RNPC3: variants seen among roughly 807,000 people sequenced by gnomAD.
RNPC3 encodes RNA binding region (RNP1, RRM) containing 3.
In RNPC3, 48 loss-of-function variants were observed where a neutral mutation model predicts 67.5. The ratio of observed to expected loss-of-function variants is 0.71; its 90% CI spans 0.56 to 0.90. RNPC3 has a LOEUF of 0.90. Among genes scored for constraint, RNPC3 ranks in the 40% least tolerant of loss-of-function variants. The pLI, the probability that RNPC3 is intolerant of heterozygous loss-of-function variation, is 0.00. For missense variants in RNPC3, 637 were observed against 626.1 expected (o/e 1.02, Z -0.19); for synonymous variants, 239 against 210.3 (o/e 1.14, Z -1.18).
chr1:103,526,259 A>G lies in RNPC3; in HGVS notation c.189A>G (p.Arg63=), dbSNP rs1650704953. ...TGCGGGTCCTGTCAGATAAGGGGCG[A>G]CTGGTAAGGGCGCGCCCCTCCGGAG... ...QSVRVLSDKG[R]LKHTAFATFP... Residue 63 remains arginine, a synonymous_variant, in exon 1 of 15, where the codon CGA becomes CGG. Transcript: ENST00000423855. 1.3e-6 allele frequency: 2 copies of G among 1,539,268 alleles called. No individual in the cohort carries two copies. The highest frequency in any genetic ancestry group is 2.8e-5 in the African/African-American group (2 of 72,622).
At chr1:103,554,945 T>A (rs1325238069) in intron 14 of RNPC3, 89 bp from the exon 15 acceptor site, 1 of 152,210 alleles carries the variant, frequency 6.6e-6, no homozygotes, top group Non-Finnish European at 1.5e-5. Flanking sequence ...ACTAATTTTC[T>A]AAATATAAAT....
intron 12 of RNPC3, 97 bp downstream of exon 12, chr1:103,547,132 A>C: frequency 1.4e-6 from 1 of 706,138 alleles, no homozygotes. Flanking sequence ...TTTAGAGATA[A>C]AAATTATATG....
intron 1 of RNPC3, 147 bp from the exon 2 acceptor site, chr1:103,527,548 A>G (rs778383503): frequency 1.5e-6 from 1 of 667,378 alleles, no homozygotes; most frequent in Non-Finnish European, 2.7e-6. Flanking sequence ...CTGGACTGAA[A>G]TTAGTAATCA....
intron 14 of RNPC3, chr1:103,553,125 G>T (rs929901400): frequency 6.6e-6 from 1 of 152,050 alleles, no homozygotes; most frequent in African/African-American, 2.4e-5. Context: ...TTTGAATTTT[G>T]TTGTACGTCT....
chr1:103,527,759 A>T lies in RNPC3; in HGVS notation c.240+17A>T. ...GCTATAAAGGTATGACTTTTTCTTG[A>T]CGATTAAAGTTGTCAACAGGATCCT... is the stretch of plus-strand genomic sequence containing the variant. On this transcript the variant is annotated intron_variant, in intron 2 of 14. Coordinates refer to ENST00000423855, the MANE Select transcript of RNPC3 (RefSeq NM_017619.4). 6.6e-7 allele frequency: 1 copy of T among 1,526,560 alleles called. No individual in the cohort carries two copies. The allele number at this position is 1,526,560 out of a possible 1,614,324, so 94.6% of individuals were successfully genotyped here.
At chr1:103,538,146 G>A (rs1327803844) in intron 7 of RNPC3, among the ~76,000 whole-genome samples, 4 of 152,046 alleles carry the variant, frequency 2.6e-5, no homozygotes, top group Admixed American at 1.3e-4. Flanking sequence ...GCCTGGCCTC[G>A]ATGTACTTTT....
At chr1:103,547,169 A>T in intron 12 of RNPC3, 134 bp downstream of exon 12, 1 of 527,784 alleles carries the variant, frequency 1.9e-6, no homozygotes, top group Non-Finnish European at 3.2e-6. Context: ...CTGTTGCACA[A>T]TTAATCTTTT....
chr1:103,527,852 A>G, intron 2 of RNPC3, 110 bp downstream of exon 2: 2 of 729,906 alleles, frequency 2.7e-6, no homozygotes, highest in Non-Finnish European at 4.5e-6. Flanking sequence ...TTGTATTCCA[A>G]CAGTTTCCCC....
At chr1:103,551,656 T>G in intron 13 of RNPC3, 65 bp from the exon 14 acceptor site, 1 of 1,072,284 alleles carries the variant, frequency 9.3e-7, no homozygotes, top group Non-Finnish European at 1.4e-6. Flanking sequence ...TAGAAAGTTT[T>G]TGAGAATTAT....
intron 2 of RNPC3, among the ~76,000 whole-genome samples, chr1:103,529,015 T>C (rs1650778280): frequency 6.6e-6 from 1 of 152,306 alleles, no homozygotes; most frequent in Middle Eastern, 3.4e-3. Context: ...TGTCTGAGAA[T>C]GATGTCAAAT....
chr1:103,538,034 G>A (rs949069079), intron 7 of RNPC3, among the ~76,000 whole-genome samples: 2 of 151,832 alleles, frequency 1.3e-5, no homozygotes, highest in Admixed American at 1.3e-4. Context: ...TGGTAGAGAT[G>A]GGGTTTCTCC....
At chr1:103,535,127 G>C (rs924774447) in intron 4 of RNPC3, among the ~76,000 whole-genome samples, 1 of 151,994 alleles carries the variant, frequency 6.6e-6, no homozygotes, top group Non-Finnish European at 1.5e-5. Flanking sequence ...CTATTAAGAT[G>C]TTCAGAGCTA....
chr1:103,552,992 G>A lies in RNPC3; in HGVS notation c.*12+1200G>A, dbSNP rs918255741. On this transcript the variant is annotated intron_variant, in intron 14 of 14. Coordinates refer to ENST00000423855, the MANE Select transcript of RNPC3 (RefSeq NM_017619.4). ...TCCTTTGTTTTTTATTTAAATTTTTGTTCCTCTGTAAACTAAAAGAACACG... is the reference window on the plus strand; with the variant it reads ...TCCTTTGTTTTTTATTTAAATTTTTATTCCTCTGTAAACTAAAAGAACACG... 3.3e-5 allele frequency among the ~76,000 whole-genome samples: 5 copies of A among 152,138 alleles called. No homozygotes were observed. In the East Asian group the frequency reaches 9.7e-4, roughly 29 times the overall value.
In RNPC3 at chr1:103,533,730, T is replaced by C; in HGVS notation, c.241-9T>C. 1 of 1,387,048 alleles carries C rather than the reference T, an allele frequency of 7.2e-7. No homozygotes were observed. Among genetic ancestry groups the C allele is most frequent in the East Asian group, 2.5e-5 (1 of 40,186 alleles). The allele number at this position is 1,387,048 out of a possible 1,614,324, so 85.9% of individuals were successfully genotyped here. On this transcript the variant is annotated splice_polypyrimidine_tract_variant and intron_variant, in intron 2 of 14. Coordinates refer to ENST00000423855, the MANE Select transcript of RNPC3 (RefSeq NM_017619.4). ...TGTGAAATGTTTACTCTTGTTCTTT[T>C]AACTGAAGGCATTGACAAGACTCCA...
At chr1:103,552,026 C>G in intron 14 of RNPC3, 1 of 309,022 alleles carries the variant, frequency 3.2e-6, no homozygotes, top group Non-Finnish European at 5.9e-6. Context: ...GTGCCTGTTA[C>G]TCTTTTTTTA....
chr1:103,553,647 T>A (rs1445448976), intron 14 of RNPC3: 6 of 152,222 alleles, frequency 3.9e-5, no homozygotes, highest in Admixed American at 3.3e-4. Context: ...CCTAATTCAA[T>A]AACATATGCT....
chr1:103,540,332 G>A (rs192009283), intron 7 of RNPC3, among the ~76,000 whole-genome samples: 3 of 152,116 alleles, frequency 2.0e-5, no homozygotes, highest in Non-Finnish European at 4.4e-5. Context: ...GAGATCTCAC[G>A]TATATGCAAA....
At chr1:103,537,778 G>T (rs180813313) in intron 7 of RNPC3, among the ~76,000 whole-genome samples, 1 of 152,030 alleles carries the variant, frequency 6.6e-6, no homozygotes, top group Non-Finnish European at 1.5e-5. Context: ...CTGAGAATTT[G>T]CCTATGTGCT....
At chr1:103,548,312 G>A (rs924346092) in intron 12 of RNPC3, among the ~76,000 whole-genome samples, 10 of 152,088 alleles carry the variant, frequency 6.6e-5, no homozygotes, top group African/African-American at 2.4e-4. Flanking sequence ...TTTATGCTGT[G>A]TTTCCTTTTA....
Sources: allele counts gnomAD v4.1 joint callset (sites outside exome capture counted in the v4.1 genomes callset), GRCh38; gene constraint gnomAD v4.1.1; transcripts MANE v1.5; gene names NCBI Gene and HGNC (gene_info 2026-07-23, HGNC 2026-07-21).